SYN3: variants seen among roughly 807,000 people sequenced by gnomAD.
SYN3 encodes synapsin-3.
A neutral mutation model predicts 65.8 loss-of-function variants in SYN3; 35 were observed. The observed-to-expected ratio is 0.53, with a 90% CI of 0.41 to 0.70. SYN3 has a LOEUF of 0.70. Ranked by LOEUF, SYN3 falls within the 30% of genes least tolerant of loss-of-function variation. SYN3 has a pLI of 0.00. For missense variants in SYN3, 680 were observed against 749.0 expected, an observed-to-expected ratio of 0.91 and a Z score of 1.08; for synonymous variants, 270 against 292.9, an observed-to-expected ratio of 0.92 and a Z score of 0.80.
At chr22:32,552,119 G>A (rs1238556073) in intron 7 of SYN3, among the ~76,000 whole-genome samples, 3 of 152,186 alleles carry the variant, frequency 2.0e-5, no homozygotes, top group Non-Finnish European at 2.9e-5. Context: ...GGTGGCGGGC[G>A]CCTGTAATCC....
intron 4 of SYN3, among the ~76,000 whole-genome samples, chr22:32,909,934 G>C (rs76215305): frequency 6.6e-6 from 1 of 152,126 alleles, no homozygotes. Flanking sequence ...ACATACAAGC[G>C]GTGTGCTCGG....
intron 3 of SYN3, among the ~76,000 whole-genome samples, chr22:32,957,017 G>A (rs993711620): frequency 1.3e-5 from 2 of 152,110 alleles, no homozygotes; most frequent in African/African-American, 4.8e-5. Context: ...AGGAAAATAG[G>A]GTCAGGAACA....
intron 1 of SYN3, among the ~76,000 whole-genome samples, chr22:33,007,806 G>A (rs2053235094): frequency 1.3e-5 from 2 of 152,218 alleles, no homozygotes; most frequent in African/African-American, 4.8e-5. Context: ...CACATCTATT[G>A]CTTTTCTAAA....
intron 7 of SYN3, among the ~76,000 whole-genome samples, chr22:32,586,026 G>GTATATATGTA (rs1569065393): frequency 9.1e-5 from 12 of 131,552 alleles, no homozygotes; most frequent in African/African-American, 3.4e-4. Context: ...ATATATGTAT[G>GTATATATGTA]TATGTATATA....
intron 6 of SYN3, among the ~76,000 whole-genome samples, chr22:32,643,105 A>G (rs891796649): frequency 1.3e-5 from 2 of 152,014 alleles, no homozygotes; most frequent in South Asian, 4.1e-4. Flanking sequence ...TTGAGATGGA[A>G]TCTCACTCTG....
chr22:33,014,774 C>T (rs1200360671), intron 1 of SYN3, among the ~76,000 whole-genome samples: 1 of 152,058 alleles, frequency 6.6e-6, no homozygotes. Flanking sequence ...CAGCAAAACT[C>T]TGTCTCAAAA....
intron 6 of SYN3, chr22:32,783,218 A>G (rs2046115408): frequency 6.6e-6 from 1 of 152,200 alleles, no homozygotes; most frequent in Non-Finnish European, 1.5e-5. Context: ...TTCATGGTAC[A>G]GTTCAGGGCC....
chr22:32,691,627 T>A (rs1185339143), intron 6 of SYN3, among the ~76,000 whole-genome samples: 1 of 151,932 alleles, frequency 6.6e-6, no homozygotes, highest in South Asian at 2.1e-4. Flanking sequence ...CAGGGGGTAC[T>A]CCAGATCAGA....
intron 6 of SYN3, among the ~76,000 whole-genome samples, chr22:32,747,991 A>T (rs1183859689): frequency 6.6e-6 from 1 of 152,222 alleles, no homozygotes; most frequent in Non-Finnish European, 1.5e-5. Flanking sequence ...CATCACCAAG[A>T]GTCCACCAGC....
chr22:32,931,766 T>C (rs2050641072), intron 3 of SYN3, among the ~76,000 whole-genome samples: 1 of 152,244 alleles, frequency 6.6e-6, no homozygotes. Context: ...CTTGCTAATT[T>C]CTGCCTCTTT....
chr22:32,820,594 TG>T (rs1569250540), intron 6 of SYN3, among the ~76,000 whole-genome samples: 1 of 152,164 alleles, frequency 6.6e-6, no homozygotes, highest in Non-Finnish European at 1.5e-5. Flanking sequence ...CATGCTTAGT[TG>T]GCACATCTTG....
intron 6 of SYN3, among the ~76,000 whole-genome samples, chr22:32,728,595 G>A (rs552282173): frequency 6.6e-6 from 1 of 152,342 alleles, no homozygotes; most frequent in South Asian, 2.1e-4. Context: ...ACTTGGTATA[G>A]GTGGATTATT....
intron 6 of SYN3, among the ~76,000 whole-genome samples, chr22:32,824,447 G>C (rs184434577): frequency 6.6e-6 from 1 of 151,828 alleles, no homozygotes; most frequent in Admixed American, 6.6e-5. Context: ...TTTAAACCCC[G>C]TAGTCATATA....
chr22:32,726,516 A>T (rs543107079), intron 6 of SYN3, among the ~76,000 whole-genome samples: 3 of 152,206 alleles, frequency 2.0e-5, no homozygotes, highest in Non-Finnish European at 4.4e-5. Flanking sequence ...TGTCATGCCC[A>T]CAAAATGTGG....
chr22:32,987,551 C>T (rs2052564274), intron 2 of SYN3, among the ~76,000 whole-genome samples: 1 of 152,130 alleles, frequency 6.6e-6, no homozygotes, highest in African/African-American at 2.4e-5. Context: ...TTAGCAAGGT[C>T]CAATGAACTA....
At chr22:32,888,365 G>C (rs1188103401) in intron 4 of SYN3, among the ~76,000 whole-genome samples, 1 of 151,954 alleles carries the variant, frequency 6.6e-6, no homozygotes, top group African/African-American at 2.4e-5. Flanking sequence ...AGTCTAGCAG[G>C]GGAATGATTG....
At chr22:32,836,323 A>G (rs750098066) in intron 6 of SYN3, among the ~76,000 whole-genome samples, 1 of 152,236 alleles carries the variant, frequency 6.6e-6, no homozygotes, top group Non-Finnish European at 1.5e-5. Flanking sequence ...GATTGCACAG[A>G]CACGATGTTC....
chr22:32,993,757 G>T (rs1395942396), intron 2 of SYN3, among the ~76,000 whole-genome samples: 1 of 152,178 alleles, frequency 6.6e-6, no homozygotes, highest in Non-Finnish European at 1.5e-5. Context: ...CATGCTCCTA[G>T]GCCAACCTCA....
intron 6 of SYN3, among the ~76,000 whole-genome samples, chr22:32,628,798 C>T (rs562982462): frequency 6.6e-6 from 1 of 152,084 alleles, no homozygotes; most frequent in African/African-American, 2.4e-5. Flanking sequence ...TGGAAGATGC[C>T]GGGCTGTTCC....
Sources: gnomAD v4.1 joint callset for allele counts (sites outside exome capture counted in the v4.1 genomes callset) on GRCh38, gnomAD v4.1.1 for gene constraint, MANE v1.5 for transcripts, NCBI Gene and HGNC (gene_info 2026-07-23, HGNC 2026-07-21) for gene names.